Variants in SPAM1 observed in about 807,000 individuals in gnomAD.
SPAM1 encodes sperm adhesion molecule 1, also known as hyaluronidase PH-20.
Under a neutral mutation model 29.6 loss-of-function variants are expected in SPAM1, and 22 were observed. That is an observed-to-expected ratio of 0.74 (90% CI 0.53 to 1.06). The LOEUF (loss-of-function observed/expected upper bound fraction) is 1.06. SPAM1 is among the 50% of genes least tolerant of loss of function. SPAM1 has a pLI of 0.00. For synonymous variants in SPAM1, 194 were observed against 204.6 expected, an observed-to-expected ratio of 0.95 and a Z score of 0.44; for missense variants, 534 against 604.0, an observed-to-expected ratio of 0.88 and a Z score of 1.21.
chr7:123,926,668 G>T (rs1807896157), intron 1 of SPAM1, among the ~76,000 whole-genome samples: 1 of 152,134 alleles, frequency 6.6e-6, no homozygotes, highest in Admixed American at 6.5e-5. Flanking sequence ...GAAATACATT[G>T]GTTTGGTTTA....
intron 1 of SPAM1, among the ~76,000 whole-genome samples, chr7:123,947,384 A>G (rs576003081): frequency 1.1e-3 from 164 of 152,164 alleles, no homozygotes; most frequent in African/African-American, 3.3e-3. Context: ...CCCCATCTCT[A>G]TAAAAAATTT....
chr7:123,965,929 T>G (rs1792419052), intron 5 of SPAM1, among the ~76,000 whole-genome samples: 1 of 152,008 alleles, frequency 6.6e-6, no homozygotes, highest in Admixed American at 6.6e-5. Flanking sequence ...AAGTGCGATC[T>G]AATTAAACTA....
At chr7:123,929,754 G>A (rs1253740965) in intron 1 of SPAM1, among the ~76,000 whole-genome samples, 1 of 152,040 alleles carries the variant, frequency 6.6e-6, no homozygotes, top group Non-Finnish European at 1.5e-5. Context: ...GTGTATCCCT[G>A]GGGCCTCTGA....
chr7:123,932,290 G>A (rs925600068), intron 1 of SPAM1: 7 of 152,230 alleles, frequency 4.6e-5, no homozygotes, highest in Admixed American at 1.3e-4. Context: ...GTGGGAGTGA[G>A]CATGATAATT....
At chr7:123,969,046 A>G (rs1792464369) in intron 5 of SPAM1, among the ~76,000 whole-genome samples, 2 of 152,080 alleles carry the variant, frequency 1.3e-5, no homozygotes, top group African/African-American at 4.8e-5. Flanking sequence ...CCTTACTCTG[A>G]CCAACTTTCC....
chr7:123,956,765 A>G (rs1264514208), intron 4 of SPAM1, among the ~76,000 whole-genome samples: 1 of 152,032 alleles, frequency 6.6e-6, no homozygotes, highest in Non-Finnish European at 1.5e-5. Flanking sequence ...TGGAAATACT[A>G]TGTAATAATG....
intron 1 of SPAM1, among the ~76,000 whole-genome samples, chr7:123,940,380 T>A (rs953883376): frequency 1.3e-5 from 2 of 152,156 alleles, no homozygotes; most frequent in Non-Finnish European, 2.9e-5. Context: ...ATTTTGGACA[T>A]AAAATGTTAT....
chr7:123,949,688 A>G (rs1808698957), intron 1 of SPAM1, among the ~76,000 whole-genome samples, 184 bp from the exon 2 acceptor site: 1 of 152,124 alleles, frequency 6.6e-6, no homozygotes, highest in African/African-American at 2.4e-5. Flanking sequence ...TTTTTATTAC[A>G]AAATCATTTT....
intron 1 of SPAM1, among the ~76,000 whole-genome samples, chr7:123,936,551 G>A (rs1381199966): frequency 6.6e-6 from 1 of 152,178 alleles, no homozygotes. Flanking sequence ...CAGTCTACGT[G>A]ATTCTGCAGC....
chr7:123,961,804 G>A (rs1049237886), downstream of SPAM1, among the ~76,000 whole-genome samples: 2 of 152,092 alleles, frequency 1.3e-5, no homozygotes, highest in South Asian at 4.2e-4. Flanking sequence ...CGCATGGCTG[G>A]GGAGGTCTCA....
intron 1 of SPAM1, among the ~76,000 whole-genome samples, chr7:123,947,164 TAATA>T (rs1265608443): frequency 6.6e-6 from 1 of 152,214 alleles, no homozygotes; most frequent in Non-Finnish European, 1.5e-5. Flanking sequence ...TTTTCTTTTA[TAATA>T]AATGCTGTAT....
Position 123,931,304 on chromosome 7 carries a change from A to G in SPAM1, c.-319+5952A>G, listed in dbSNP as rs1171270011. On this transcript the variant is annotated intron_variant, in intron 1 of 4. Transcript: ENST00000682466. ...CCCTTTTTTCCAAAAGTCAGCCATA[A>G]AACCTAAAAATATTACTCTAACTTT... is the stretch of plus-strand genomic sequence containing the variant. 2.6e-5 allele frequency among the ~76,000 whole-genome samples: 4 copies of G among 152,292 alleles called. No homozygotes were observed. In the East Asian group the frequency reaches 7.7e-4, roughly 29 times the overall value.
chr7:123,928,902 G>A (rs541461007), intron 1 of SPAM1, among the ~76,000 whole-genome samples: 22 of 152,088 alleles, frequency 1.4e-4, no homozygotes, highest in Non-Finnish European at 2.8e-4. Context: ...TAACCCTAGA[G>A]TCATAGGTGT....
chr7:123,964,385 T>C (rs780559613), downstream of SPAM1, among the ~76,000 whole-genome samples: 8 of 152,074 alleles, frequency 5.3e-5, no homozygotes, highest in Non-Finnish European at 1.0e-4. Flanking sequence ...TCACTTCTTT[T>C]ATTCTAATTT....
At chr7:123,939,470 T>G (rs549628664) in intron 1 of SPAM1, among the ~76,000 whole-genome samples, 1 of 152,348 alleles carries the variant, frequency 6.6e-6, no homozygotes, top group African/African-American at 2.4e-5. Context: ...ACTAGTCTTC[T>G]GAATAATGCT....
chr7:123,944,304 TC>T (rs1417689705), intron 1 of SPAM1, among the ~76,000 whole-genome samples: 3 of 152,040 alleles, frequency 2.0e-5, no homozygotes, highest in Non-Finnish European at 4.4e-5. Flanking sequence ...AGATTTGGGG[TC>T]CTTTTTAGAC....
At chr7:123,956,539 G>A (rs973424101) in intron 4 of SPAM1, among the ~76,000 whole-genome samples, 1 of 151,916 alleles carries the variant, frequency 6.6e-6, no homozygotes, top group African/African-American at 2.4e-5. Flanking sequence ...GACAGAGCCA[G>A]CCCTACTGCT....
rs1207510140 is a variant in SPAM1 at position 123,949,138 on chromosome 7, T to C, written c.-318-734T>C. On this transcript the variant is annotated intron_variant, in intron 1 of 4. Coordinates refer to ENST00000682466, the MANE Select transcript of SPAM1 (RefSeq NM_153189.3). ...TCCTTGTACAAGAACAAGAATCCCCTGTACAAGCATCCTGGTAGATAATGT... is the reference window on the plus strand; with the variant it reads ...TCCTTGTACAAGAACAAGAATCCCCCGTACAAGCATCCTGGTAGATAATGT... Among the ~76,000 whole-genome samples the C allele has an allele frequency of 2.0e-5, 3 of 152,102 alleles. No homozygotes were observed. The East Asian group carries it at 5.8e-4, about 29-fold the overall frequency.
intron 1 of SPAM1, chr7:123,925,637 A>G (rs1488644601): frequency 2.0e-5 from 3 of 151,626 alleles, no homozygotes; most frequent in East Asian, 1.9e-4. Context: ...TTTCTTTACC[A>G]CTATCATGGT....
Sources: gnomAD v4.1 joint callset for allele counts (sites outside exome capture counted in the v4.1 genomes callset) on GRCh38, gnomAD v4.1.1 for gene constraint, MANE v1.5 for transcripts, NCBI Gene and HGNC (gene_info 2026-07-23, HGNC 2026-07-21) for gene names.